TPM1: variants seen among roughly 807,000 people sequenced by gnomAD.
The protein encoded by TPM1 is tropomyosin 1.
A neutral mutation model predicts 42.9 loss-of-function variants in TPM1; 24 were observed. The ratio of observed to expected loss-of-function variants is 0.56; its 90% CI spans 0.41 to 0.79. TPM1 has a LOEUF of 0.79. Ranked by LOEUF, TPM1 falls within the 30% of genes least tolerant of loss-of-function variation. TPM1 has a pLI of 0.00. For missense variants in TPM1, 158 were observed against 351.8 expected (o/e 0.45, Z 4.41); for synonymous variants, 136 against 130.1 (o/e 1.05, Z -0.31).
chr15:63,068,382 C>T (rs1279045625), downstream of TPM1, among the ~76,000 whole-genome samples: 1 of 152,144 alleles, frequency 6.6e-6, no homozygotes, highest in Non-Finnish European at 1.5e-5. Flanking sequence ...TGGGGTTTGG[C>T]ATATTCAAAA....
intron 2 of TPM1, chr15:63,048,438 G>A (rs1367865354): frequency 7.4e-7 from 1 of 1,352,170 alleles, no homozygotes; most frequent in Non-Finnish European, 9.4e-7. Flanking sequence ...TGGCCGCAGG[G>A]GGCGCCGCCA....
chr15:63,060,911 G>A lies in TPM1; in HGVS notation c.535G>A (p.Ala179Thr). 6.2e-7 allele frequency: 1 copy of A among 1,614,194 alleles called. No homozygotes were observed. ...CATCATTGAGAGCGACCTGGAACGT[G>A]CAGAGGAGCGGGCTGAGCTCTCAGA... is the stretch of plus-strand genomic sequence containing the variant. ...LVIIESDLER[A>T]EERAELSEGK... Residue 179 changes from alanine to threonine, a missense_variant, in exon 5 of 10, where the codon GCA becomes ACA. Physicochemically the swap from Ala to Thr is moderately conservative, Grantham distance 58. Transcript: ENST00000403994.
intron 1 of TPM1, 42 bp downstream of exon 1, chr15:63,042,985 G>A (rs969707642): frequency 1.3e-6 from 2 of 1,537,322 alleles, no homozygotes; most frequent in Non-Finnish European, 1.8e-6. Flanking sequence ...CAGAGCGCCG[G>A]GACTCGAGCC....
intron 1 of TPM1, 141 bp downstream of exon 1, chr15:63,043,084 T>C: frequency 1.4e-6 from 1 of 717,436 alleles, no homozygotes; most frequent in Non-Finnish European, 2.4e-6. Context: ...GGCGCGCGTC[T>C]GGAAAGAAGG....
rs201649830 is a variant in TPM1 at position 63,060,969 on chromosome 15, A to G, written c.563+30A>G. On this transcript the variant is annotated intron_variant, in intron 5 of 9. Transcript: ENST00000403994. ...GCGGGCCCGGCGCCAGGAGGCCACGAATGGGGTGCTGCAGAGCAGTGACTA... is the reference window on the plus strand; with the variant it reads ...GCGGGCCCGGCGCCAGGAGGCCACGGATGGGGTGCTGCAGAGCAGTGACTA... 3.4e-5 allele frequency: 55 copies of G among 1,613,036 alleles called. No homozygotes were observed. The African/African-American group carries it at 6.9e-4, about 20-fold the overall frequency.
downstream of TPM1, chr15:63,070,580 CAT>C (rs913792602): frequency 4.0e-6 from 4 of 1,006,586 alleles, no homozygotes; most frequent in African/African-American, 1.7e-5. Flanking sequence ...GTGCATGAAA[CAT>C]GTTGACAATT....
chr15:63,057,197 G>GA, intron 3 of TPM1, 79 bp downstream of exon 3: 1 of 1,597,342 alleles, frequency 6.3e-7, no homozygotes, highest in Non-Finnish European at 8.5e-7. Flanking sequence ...GATCTTTGAG[G>GA]TTTAAGAATT....
Position 63,043,134 on chromosome 15 carries a change from G to T in TPM1, c.114+191G>T. On this transcript the variant is annotated intron_variant, in intron 1 of 9. Coordinates refer to ENST00000403994, the MANE Select transcript of TPM1 (RefSeq NM_001018005.2). ...AGCCAGGCTTAGTCTAACTTAGTCT[G>T]GTCTGAGGACGCTTATTTCCCTTCT... The T allele has an allele frequency of 1.0e-5, 6 of 600,736 alleles. No homozygotes were observed. The South Asian group carries it at 1.2e-4, about 12-fold the overall frequency. The allele number at this position is 600,736 out of a possible 1,614,324, so 37.2% of individuals were successfully genotyped here.
chr15:63,056,932 C>T, intron 2 of TPM1, 53 bp from the exon 3 acceptor site: 1 of 1,613,150 alleles, frequency 6.2e-7, no homozygotes, highest in Non-Finnish European at 8.5e-7. Context: ...TTTCCTGAAG[C>T]TACCACCCTC....
Position 63,060,882 on chromosome 15 carries a change from T to A in TPM1, c.506T>A (p.Leu169Gln). ...DRKYEEVARK[L>Q]VIIESDLERA... ...TTCCTGCTGCAGGTGGCCCGTAAGCTGGTCATCATTGAGAGCGACCTGGAA... is the reference window on the plus strand; with the variant it reads ...TTCCTGCTGCAGGTGGCCCGTAAGCAGGTCATCATTGAGAGCGACCTGGAA... The change falls in exon 5 of 10, where the codon CTG becomes CAG. Residue 169 changes from leucine (L) to glutamine (Q), a missense_variant. By Grantham distance (113) the Leu-to-Gln change is moderately radical (BLOSUM62 -2). Transcript: ENST00000403994. 6.2e-7 allele frequency: 1 copy of A among 1,614,234 alleles called. No individual in the cohort carries two copies. The highest frequency in any genetic ancestry group is 1.3e-5 in the African/African-American group (1 of 75,056).
At position 63,066,048 on chromosome 15, in the gene TPM1, T is replaced by C; in HGVS notation, c.*149T>C. 1 of 1,541,990 alleles carries C rather than the reference T, an allele frequency of 6.5e-7. No individual in the cohort carries two copies. Among genetic ancestry groups the C allele is most frequent in the Non-Finnish European group, 8.7e-7 (1 of 1,146,594 alleles). Reference sequence around the variant, plus strand: ...CAGGCACACACTGTGCTTTCTATTGTACAGAAGCTCTTCGTTTCAGTGTCA... The same window carrying C: ...CAGGCACACACTGTGCTTTCTATTGCACAGAAGCTCTTCGTTTCAGTGTCA... On this transcript the variant is annotated 3_prime_UTR_variant, in exon 10 of 10. Transcript: ENST00000403994.
chr15:63,064,596 G>T (rs1432263068), intron 9 of TPM1: 2 of 1,033,560 alleles, frequency 1.9e-6, no homozygotes, highest in East Asian at 1.8e-4. Context: ...TTGAGAATCT[G>T]AGGATAAGGA....
chr15:63,062,425 G>T (rs1174130453), intron 7 of TPM1, 148 bp downstream of exon 7: 12 of 1,235,198 alleles, frequency 9.7e-6, no homozygotes, highest in Non-Finnish European at 1.2e-5. Context: ...TGTGCTAACT[G>T]CCATTTCTCA....
chr15:63,060,051 C>A (rs2035403445), intron 4 of TPM1: 3 of 300,490 alleles, frequency 1.0e-5, no homozygotes, highest in African/African-American at 6.5e-5. Context: ...CTGGCACATC[C>A]AGATTGGGCA....
downstream of TPM1, chr15:63,066,193 T>C: frequency 2.1e-6 from 3 of 1,402,600 alleles, no homozygotes; most frequent in Non-Finnish European, 2.8e-6. Context: ...GGTTAGTGTT[T>C]GGCTGCTGCT....
intron 2 of TPM1, 198 bp downstream of exon 2, chr15:63,044,350 C>T (rs564301347): frequency 4.0e-5 from 31 of 781,196 alleles, no homozygotes; most frequent in East Asian, 3.8e-4. Context: ...CCACTCCTCT[C>T]TTCTTCTCCT....
At chr15:63,065,862 T>A (rs2036228745) in intron 9 of TPM1, 34 bp from the exon 10 acceptor site, 1 of 1,603,786 alleles carries the variant, frequency 6.2e-7, no homozygotes, top group South Asian at 1.1e-5. Context: ...TTGTGCCACT[T>A]TTTTTTTCCT....
chr15:63,058,338 C>G (rs2035105535), intron 3 of TPM1, among the ~76,000 whole-genome samples: 1 of 152,134 alleles, frequency 6.6e-6, no homozygotes, highest in Non-Finnish European at 1.5e-5. Context: ...GTGACTTGCA[C>G]CAAGGCTCAC....
intron 8 of TPM1, chr15:63,063,312 G>A (rs1596390353): frequency 1.0e-6 from 1 of 985,314 alleles, no homozygotes; most frequent in Admixed American, 6.1e-5. Flanking sequence ...CTAGTGTTTG[G>A]TGCAGATAAT....
Sources: gnomAD v4.1 joint callset for allele counts (sites outside exome capture counted in the v4.1 genomes callset) on GRCh38, gnomAD v4.1.1 for gene constraint, MANE v1.5 for transcripts, NCBI Gene and HGNC (gene_info 2026-07-23, HGNC 2026-07-21) for gene names.